NBAS: variants seen among roughly 807,000 people sequenced by gnomAD.
NBAS encodes NBAS subunit of NRZ tethering complex.
A neutral mutation model predicts 302.5 loss-of-function variants in NBAS; 219 were observed. The ratio of observed to expected loss-of-function variants is 0.72; its 90% CI spans 0.65 to 0.81. The LOEUF is 0.81. Among genes scored for constraint, NBAS ranks in the 30% least tolerant of loss-of-function variants. NBAS has a pLI of 0.00. For synonymous variants in NBAS, 1,118 were observed against 1,021.6 expected (o/e 1.09, Z -1.80); for missense variants, 2,932 against 2,841.6 (o/e 1.03, Z -0.72).
the NBAS span, among the ~76,000 whole-genome samples, chr2:15,128,046 G>A: frequency 6.6e-6 from 1 of 152,108 alleles, no homozygotes; most frequent in African/African-American, 2.4e-5. Flanking sequence ...CAGTCTGCTG[G>A]GGAAGTGTAT....
the NBAS span, among the ~76,000 whole-genome samples, chr2:14,883,388 CT>C: frequency 2.0e-5 from 3 of 152,118 alleles, no homozygotes; most frequent in East Asian, 5.8e-4. Context: ...TTTTTAAATG[CT>C]TTATGCTTGC....
chr2:15,365,506 A>C (rs1376071103), intron 32 of NBAS, among the ~76,000 whole-genome samples: 1 of 152,210 alleles, frequency 6.6e-6, no homozygotes, highest in Admixed American at 6.5e-5. Context: ...GTAATTTAGC[A>C]AATGTGTGGC....
At chr2:14,804,509 G>A in the NBAS span, among the ~76,000 whole-genome samples, 562 of 152,288 alleles carry the variant, frequency 3.7e-3, 2 homozygotes, top group African/African-American at 0.013. Flanking sequence ...ACACACGTCA[G>A]AACAAGATTA....
At chr2:15,447,615 C>G (rs78603463) in intron 21 of NBAS, among the ~76,000 whole-genome samples, 1 of 152,008 alleles carries the variant, frequency 6.6e-6, no homozygotes, top group Non-Finnish European at 1.5e-5. Context: ...TTCATTTTCC[C>G]GTATCCATAA....
At chr2:15,458,183 T>A (rs927911016) in intron 21 of NBAS, among the ~76,000 whole-genome samples, 1 of 152,266 alleles carries the variant, frequency 6.6e-6, no homozygotes, top group South Asian at 2.1e-4. Flanking sequence ...AGTATGACTA[T>A]AACACAGTGT....
At chr2:15,092,065 C>T in the NBAS span, among the ~76,000 whole-genome samples, 2 of 152,182 alleles carry the variant, frequency 1.3e-5, no homozygotes, top group Admixed American at 1.3e-4. Context: ...CAAGGGTCAA[C>T]TGTAAATGGG....
the NBAS span, among the ~76,000 whole-genome samples, chr2:15,069,314 T>A: frequency 6.6e-6 from 1 of 152,216 alleles, no homozygotes; most frequent in Admixed American, 6.5e-5. Context: ...TAGCTCCTGA[T>A]GACGAGCCCA....
At chr2:15,050,223 A>T in the NBAS span, among the ~76,000 whole-genome samples, 1 of 152,064 alleles carries the variant, frequency 6.6e-6, no homozygotes, top group South Asian at 2.1e-4. Context: ...CCCATGCGCC[A>T]CTACATGGTA....
the NBAS span, among the ~76,000 whole-genome samples, chr2:15,146,745 C>T: frequency 3.3e-5 from 5 of 152,142 alleles, no homozygotes; most frequent in Non-Finnish European, 7.3e-5. Context: ...GGTCTGGCCC[C>T]TATCCCCGTG....
chr2:14,961,178 G>A, the NBAS span, among the ~76,000 whole-genome samples: 2 of 152,168 alleles, frequency 1.3e-5, no homozygotes, highest in African/African-American at 4.8e-5. Context: ...AAAACTTGCA[G>A]CTCTCAGGAG....
intron 6 of NBAS, among the ~76,000 whole-genome samples, chr2:15,543,149 C>T (rs888715414): frequency 6.6e-5 from 10 of 152,180 alleles, no homozygotes; most frequent in South Asian, 2.1e-4. Context: ...ACAACTGACA[C>T]ATGCATGGTG....
chr2:15,117,082 A>G, the NBAS span, among the ~76,000 whole-genome samples: 3 of 152,228 alleles, frequency 2.0e-5, no homozygotes, highest in South Asian at 6.2e-4. Flanking sequence ...TGCCCTTCGC[A>G]ATACGTATCA....
chr2:14,806,416 C>A, the NBAS span, among the ~76,000 whole-genome samples: 3 of 152,102 alleles, frequency 2.0e-5, no homozygotes, highest in African/African-American at 7.2e-5. Flanking sequence ...ACAAATTTTT[C>A]AATGTTTCTA....
chr2:15,112,903 A>C, the NBAS span, among the ~76,000 whole-genome samples: 1 of 152,170 alleles, frequency 6.6e-6, no homozygotes, highest in Non-Finnish European at 1.5e-5. Context: ...CTAGATACTG[A>C]CCTAAAGACT....
At chr2:15,378,999 A>G (rs1009578681) in intron 30 of NBAS, among the ~76,000 whole-genome samples, 1 of 152,176 alleles carries the variant, frequency 6.6e-6, no homozygotes, top group Non-Finnish European at 1.5e-5. Flanking sequence ...AATTATTCTT[A>G]AAAAATCGCT....
the NBAS span, among the ~76,000 whole-genome samples, chr2:14,901,033 G>A: frequency 2.6e-5 from 4 of 152,184 alleles, no homozygotes; most frequent in East Asian, 7.7e-4. Flanking sequence ...TCTATCTTAA[G>A]GACTTGAAAT....
the NBAS span, among the ~76,000 whole-genome samples, chr2:14,795,877 G>A: frequency 1.3e-5 from 2 of 152,098 alleles, no homozygotes; most frequent in Non-Finnish European, 2.9e-5. Context: ...GGACAAAATT[G>A]CCCCTGATAT....
intron 5 of NBAS, among the ~76,000 whole-genome samples, chr2:15,553,205 C>T (rs1050742019): frequency 2.6e-5 from 4 of 152,106 alleles, no homozygotes; most frequent in African/African-American, 9.7e-5. Flanking sequence ...TCTTAAGAGG[C>T]AACGGAATGA....
chr2:14,960,364 A>G, the NBAS span, among the ~76,000 whole-genome samples: 41 of 152,228 alleles, frequency 2.7e-4, no homozygotes, highest in Non-Finnish European at 5.1e-4. Flanking sequence ...AGCCCAGTTT[A>G]TGAGACACAG....
Sources: gnomAD v4.1 joint callset for allele counts (sites outside exome capture counted in the v4.1 genomes callset) on GRCh38, gnomAD v4.1.1 for gene constraint, MANE v1.5 for transcripts, NCBI Gene and HGNC (gene_info 2026-07-23, HGNC 2026-07-21) for gene names.